The following PCSK5 variants were observed in gnomAD, a reference collection of about 807,000 sequenced individuals.
PCSK5 encodes proprotein convertase subtilisin/kexin type 5.
Under a neutral mutation model 233.2 loss-of-function variants are expected in PCSK5, and 129 were observed. That is an observed-to-expected ratio of 0.55 (90% CI 0.48 to 0.64). PCSK5 has a LOEUF of 0.64. Ranked by LOEUF, PCSK5 falls within the 30% of genes least tolerant of loss-of-function variation. The probability of loss-of-function intolerance (pLI) is 0.00; values close to 1 mark genes in which losing one functional copy is unlikely to be tolerated. For synonymous variants in PCSK5, 825 were observed against 879.2 expected (o/e 0.94, Z 1.09); for missense variants, 2,076 against 2,430.1 (o/e 0.85, Z 3.06).
At chr9:76,113,570 T>C (rs559012951) in intron 9 of PCSK5, among the ~76,000 whole-genome samples, 15 of 152,250 alleles carry the variant, frequency 9.9e-5, no homozygotes, top group African/African-American at 3.4e-4. Flanking sequence ...AGTTAATATG[T>C]GGGACAGTCG....
At position 76,227,418 on chromosome 9, in the gene PCSK5, A is replaced by T. The variant is rs374967620; in HGVS notation, c.2627-85A>T. The T allele has an allele frequency of 8.7e-6, 8 of 915,774 alleles. 1 individual carries two copies. The highest frequency in any genetic ancestry group is 7.3e-5 in the South Asian group (5 of 68,908). 56.7% of individuals were successfully genotyped at this position (915,774 alleles called of 1,614,324 possible). On this transcript the variant is annotated intron_variant, in intron 20 of 37. Coordinates refer to ENST00000674117, the MANE Select transcript of PCSK5 (RefSeq NM_001372043.1). Reference sequence around the variant, plus strand: ...TTGTCTGCATTGCTTTCAGGCAGCCACAGAGATCTGGCTGCTCTCAGACTG... The same window carrying T: ...TTGTCTGCATTGCTTTCAGGCAGCCTCAGAGATCTGGCTGCTCTCAGACTG...
chr9:76,349,273 C>CAAAAAAAAAAAAA (rs71372068), intron 35 of PCSK5, among the ~76,000 whole-genome samples: 2 of 66,436 alleles, frequency 3.0e-5, no homozygotes, highest in African/African-American at 5.4e-5. Flanking sequence ...GACTCTGTCT[C>CAAAAAAAAAAAAA]AAAAAAAAAA....
At chr9:76,030,258 G>A (rs1029660622) in intron 5 of PCSK5, among the ~76,000 whole-genome samples, 11 of 152,050 alleles carry the variant, frequency 7.2e-5, no homozygotes, top group Non-Finnish European at 1.5e-4. Context: ...CTCTCCATGA[G>A]AGTCCTGAAA....
chr9:75,962,992 G>A (rs1250953334), intron 2 of PCSK5, among the ~76,000 whole-genome samples: 1 of 152,190 alleles, frequency 6.6e-6, no homozygotes, highest in Non-Finnish European at 1.5e-5. Flanking sequence ...AATGAAACCT[G>A]AGTCCCAGTT....
At chr9:75,995,491 T>A (rs1050628758) in intron 3 of PCSK5, among the ~76,000 whole-genome samples, 1 of 152,180 alleles carries the variant, frequency 6.6e-6, no homozygotes, top group Admixed American at 6.5e-5. Context: ...GTTTTATGAT[T>A]TTTTGGTATG....
At chr9:76,143,584 C>T (rs1396024080) in intron 10 of PCSK5, among the ~76,000 whole-genome samples, 1 of 151,948 alleles carries the variant, frequency 6.6e-6, no homozygotes, top group Admixed American at 6.6e-5. Context: ...TTGCAGTGAT[C>T]ATTTTGTATT....
In PCSK5 at chr9:76,224,687, G is replaced by T. The variant is rs192128385; in HGVS notation, c.2627-2816G>T. ...CTTGGAGATGGGGTAATCTTTTGGG[G>T]TCATTATATCTAAGGCAGCACATTG... On this transcript the variant is annotated intron_variant, in intron 20 of 37. Coordinates refer to ENST00000674117, the MANE Select transcript of PCSK5 (RefSeq NM_001372043.1). 2.4e-4 allele frequency among the ~76,000 whole-genome samples: 36 copies of T among 152,264 alleles called. No individual in the cohort carries two copies. The East Asian group carries it at 6.9e-3, about 29-fold the overall frequency.
At chr9:76,284,494 A>C (rs1827991961) in intron 24 of PCSK5, among the ~76,000 whole-genome samples, 1 of 147,536 alleles carries the variant, frequency 6.8e-6, no homozygotes, top group Admixed American at 6.8e-5. Flanking sequence ...CCTCAGCCAC[A>C]TGGAACTGTG....
At chr9:76,084,150 A>G (rs1350489217) in intron 7 of PCSK5, among the ~76,000 whole-genome samples, 1 of 152,214 alleles carries the variant, frequency 6.6e-6, no homozygotes, top group African/African-American at 2.4e-5. Flanking sequence ...CAAAGCTAAG[A>G]CTTGGTTTGC....
intron 5 of PCSK5, among the ~76,000 whole-genome samples, chr9:76,064,259 G>A (rs1321770781): frequency 3.0e-5 from 3 of 101,340 alleles, no homozygotes; most frequent in African/African-American, 5.2e-5. Context: ...CCTCCTGGAC[G>A]GGGTGGCTGG....
rs1366035513 is a variant in PCSK5 at position 75,945,075 on chromosome 9, C to T, written c.297+12592C>T. 2.0e-5 allele frequency among the ~76,000 whole-genome samples: 3 copies of T among 151,872 alleles called. No individual in the cohort carries two copies. In the East Asian group the frequency reaches 5.8e-4, roughly 29 times the overall value. On this transcript the variant is annotated intron_variant, in intron 2 of 37. Transcript: ENST00000674117. ...GGTGAGCCGAGATCACACCACTGCA[C>T]TCCAGCCCGGGCAACAAGAGCGAAA...
At chr9:76,271,852 T>A (rs1289775811) in intron 24 of PCSK5, among the ~76,000 whole-genome samples, 2 of 152,142 alleles carry the variant, frequency 1.3e-5, no homozygotes, top group African/African-American at 4.8e-5. Context: ...CTTGGCATTC[T>A]TTATCTTGCA....
At chr9:76,136,811 A>AT (rs1823001978) in intron 10 of PCSK5, among the ~76,000 whole-genome samples, 1 of 152,020 alleles carries the variant, frequency 6.6e-6, no homozygotes, top group Non-Finnish European at 1.5e-5. Context: ...ACCCATCAGA[A>AT]TTTCTTTCTC....
At chr9:76,234,761 C>T (rs1410789477) in intron 22 of PCSK5, among the ~76,000 whole-genome samples, 2 of 152,160 alleles carry the variant, frequency 1.3e-5, no homozygotes, top group East Asian at 1.9e-4. Context: ...GGGCTAGCCA[C>T]ATGGTGAGCA....
At chr9:76,215,945 T>C (rs1040833828) in intron 20 of PCSK5, among the ~76,000 whole-genome samples, 1 of 118,474 alleles carries the variant, frequency 8.4e-6, no homozygotes, top group Middle Eastern at 4.2e-3. Flanking sequence ...TCTAAAAAAA[T>C]TAAAAATTAA....
At chr9:76,068,563 TC>T (rs2131596920) in intron 6 of PCSK5, among the ~76,000 whole-genome samples, 1 of 152,318 alleles carries the variant, frequency 6.6e-6, no homozygotes, top group African/African-American at 2.4e-5. Flanking sequence ...TGATACTATT[TC>T]CATGAATGAT....
intron 2 of PCSK5, among the ~76,000 whole-genome samples, chr9:75,947,562 G>A (rs899320912): frequency 6.6e-6 from 1 of 152,066 alleles, no homozygotes; most frequent in Admixed American, 6.5e-5. Context: ...AAACAGGACT[G>A]TGTCCTTAGG....
chr9:75,920,886 A>G (rs1333819515), intron 1 of PCSK5, among the ~76,000 whole-genome samples: 4 of 152,180 alleles, frequency 2.6e-5, no homozygotes, highest in Admixed American at 1.3e-4. Flanking sequence ...ACCAGTATGA[A>G]AAAATACTGG....
intron 2 of PCSK5, among the ~76,000 whole-genome samples, chr9:75,939,572 G>A (rs1460822332): frequency 6.6e-6 from 1 of 152,088 alleles, no homozygotes; most frequent in Non-Finnish European, 1.5e-5. Context: ...GGGGGAGTGC[G>A]GAGAAGATCA....
Sources: gnomAD v4.1 joint callset for allele counts (sites outside exome capture counted in the v4.1 genomes callset) on GRCh38, gnomAD v4.1.1 for gene constraint, MANE v1.5 for transcripts, NCBI Gene and HGNC (gene_info 2026-07-23, HGNC 2026-07-21) for gene names.